Variants in TTLL5 observed in about 807,000 individuals in gnomAD.
The protein encoded by TTLL5 is tubulin tyrosine ligase like 5.
Under a neutral mutation model 168.4 loss-of-function variants are expected in TTLL5, and 132 were observed. The observed-to-expected ratio is 0.78, with a 90% CI of 0.68 to 0.91. The LOEUF (loss-of-function observed/expected upper bound fraction) is 0.91, where lower values mean the gene tolerates loss of function less well. TTLL5 is among the 40% of genes least tolerant of loss of function. The pLI is 0.00. For synonymous variants in TTLL5, 546 were observed against 558.6 expected, an observed-to-expected ratio of 0.98 and a Z score of 0.32; for missense variants, 1,545 against 1,581.5, an observed-to-expected ratio of 0.98 and a Z score of 0.39.
At chr14:75,813,904 A>C (rs1894222371) in intron 27 of TTLL5, among the ~76,000 whole-genome samples, 1 of 152,046 alleles carries the variant, frequency 6.6e-6, no homozygotes, top group Non-Finnish European at 1.5e-5. Flanking sequence ...CAATAACATG[A>C]ATTCGTAGGT....
At chr14:75,834,795 G>A (rs1259653367) in intron 28 of TTLL5, among the ~76,000 whole-genome samples, 3 of 152,200 alleles carry the variant, frequency 2.0e-5, no homozygotes, top group Admixed American at 6.5e-5. Flanking sequence ...GCTGGGCACA[G>A]TGGCTCACAC....
chr14:75,810,555 A>C (rs188904088), intron 27 of TTLL5, among the ~76,000 whole-genome samples: 1 of 152,070 alleles, frequency 6.6e-6, no homozygotes, highest in Non-Finnish European at 1.5e-5. Flanking sequence ...TTTTGTAGAG[A>C]TGGGGTCTCT....
chr14:75,690,296 T>C lies in TTLL5; in HGVS notation c.476T>C (p.Leu159Pro). 6.2e-7 allele frequency: 1 copy of C among 1,609,250 alleles called. No individual in the cohort carries two copies. Among genetic ancestry groups the C allele is most frequent in the South Asian group, 1.1e-5 (1 of 89,978 alleles). The change falls in exon 6 of 32, where the codon CTG becomes CCG. Residue 159 changes from leucine (L) to proline (P), a missense_variant. Coordinates refer to ENST00000298832, the MANE Select transcript of TTLL5 (RefSeq NM_015072.5). Reference sequence around the variant, plus strand: ...CACATCCTCCCCCAGACCTTCCTCCTGCCAGCTGAGTACGCGGAATTTTGT... The same window carrying C: ...CACATCCTCCCCCAGACCTTCCTCCCGCCAGCTGAGTACGCGGAATTTTGT... ...AFHILPQTFL[L>P]PAEYAEFCNS...
chr14:75,916,139 AGAGAGGGATGAGGGGAG>A (rs1217289090), intron 31 of TTLL5, among the ~76,000 whole-genome samples: 3 of 139,956 alleles, frequency 2.1e-5, no homozygotes. Context: ...ACAGAGAGAT[AGAGAGGGATGAGGGGAG>A]GAGAGGGAGG....
intron 12 of TTLL5, among the ~76,000 whole-genome samples, chr14:75,724,949 G>T (rs1460945758): frequency 2.0e-5 from 3 of 152,212 alleles, no homozygotes; most frequent in Non-Finnish European, 4.4e-5. Context: ...GCTCTTTAAA[G>T]ATGTTGCTGC....
At chr14:75,729,310 T>C (rs1442428585) in intron 12 of TTLL5, among the ~76,000 whole-genome samples, 1 of 152,186 alleles carries the variant, frequency 6.6e-6, no homozygotes, top group African/African-American at 2.4e-5. Context: ...TCATTGTGGA[T>C]ACTGAGTTTT....
At chr14:75,764,078 A>G (rs1236391820) in intron 18 of TTLL5, among the ~76,000 whole-genome samples, 16 of 152,104 alleles carry the variant, frequency 1.1e-4, no homozygotes, top group Admixed American at 7.9e-4. Context: ...AGACACTTCT[A>G]TGCGTCTCAG....
Position 75,954,571 on chromosome 14 carries a change from C to A in TTLL5, c.*125C>A. 1.9e-6 allele frequency: 2 copies of A among 1,069,470 alleles called. No homozygotes were observed. Among genetic ancestry groups the A allele is most frequent in the Non-Finnish European group, 2.8e-6 (2 of 715,772 alleles). 66.2% of individuals were successfully genotyped at this position (1,069,470 alleles called of 1,614,324 possible). A position where few individuals can be genotyped will look rare whatever the true frequency, so the allele number is the denominator to read the frequency against. On this transcript the variant is annotated 3_prime_UTR_variant, in exon 32 of 32. Transcript: ENST00000298832. ...TTTTGCTGCCTCAAAGTCCCCAAAG[C>A]CTTCGAGCAGAAGTGGCAGTAGATG...
chr14:75,671,082 G>A (rs747721991), intron 3 of TTLL5, among the ~76,000 whole-genome samples: 1 of 152,128 alleles, frequency 6.6e-6, no homozygotes, highest in African/African-American at 2.4e-5. Flanking sequence ...AATTTTTCAT[G>A]TAGGGTTATG....
At chr14:75,896,979 A>T (rs2032693539) in intron 30 of TTLL5, among the ~76,000 whole-genome samples, 1 of 152,182 alleles carries the variant, frequency 6.6e-6, no homozygotes, top group African/African-American at 2.4e-5. Flanking sequence ...ATATTCCTTA[A>T]ATAGAGACTT....
At chr14:75,806,030 CTT>C (rs200829500) in intron 27 of TTLL5, among the ~76,000 whole-genome samples, 39 of 137,772 alleles carry the variant, frequency 2.8e-4, no homozygotes, top group Admixed American at 3.7e-4. Flanking sequence ...CTGAAAGATT[CTT>C]TTTTTTTTTT....
chr14:75,678,345 A>G (rs766268912), intron 3 of TTLL5, among the ~76,000 whole-genome samples: 1 of 152,166 alleles, frequency 6.6e-6, no homozygotes, highest in African/African-American at 2.4e-5. Flanking sequence ...GCCCTAATAC[A>G]TTATTCAGCT....
intron 6 of TTLL5, among the ~76,000 whole-genome samples, chr14:75,694,797 A>G (rs945764969): frequency 6.6e-6 from 1 of 152,196 alleles, no homozygotes; most frequent in Admixed American, 6.5e-5. Context: ...ATAAATTGTG[A>G]AGATTTTATG....
chr14:75,954,052 T>C (rs1231445538), intron 31 of TTLL5, among the ~76,000 whole-genome samples: 1 of 151,810 alleles, frequency 6.6e-6, no homozygotes. Context: ...ATGGAGACCA[T>C]CCTGGCTAAC....
Position 75,766,273 on chromosome 14 carries a change from G to A in TTLL5, c.1920G>A (p.Trp640Ter), listed in dbSNP as rs367693933. Reference protein sequence around the residue: ...PKENSMKVREWNNKGGHCCKL... With the variant: ...PKENSMKVRE ...AAAATTCCATGAAAGTTCGTGAATG[G>A]AATAATAAAGGTGGACACTGCTGCA... Residue 640 changes from tryptophan (W) to a stop codon, truncating the protein, a stop_gained, in exon 20 of 32, where the codon TGG becomes TGA. Transcript: ENST00000298832. LOFTEE classifies it high-confidence loss of function. 33 of 1,614,052 alleles carry A rather than the reference G, an allele frequency of 2.0e-5. No individual in the cohort carries two copies. The African/African-American group carries it at 3.6e-4, about 18-fold the overall frequency.
In TTLL5 at chr14:75,934,015, G is replaced by T. The variant is rs539753249; in HGVS notation, c.3824-20409G>T. On this transcript the variant is annotated intron_variant, in intron 31 of 31. Transcript: ENST00000298832. ...GAGAAAATGAGTTCCTGTTATTTCAGCCACTTAGTATGTGACATTTTGTTA... is the reference window on the plus strand; with the variant it reads ...GAGAAAATGAGTTCCTGTTATTTCATCCACTTAGTATGTGACATTTTGTTA... 3.8e-4 allele frequency among the ~76,000 whole-genome samples: 58 copies of T among 152,306 alleles called. 1 individual carries two copies. Among genetic ancestry groups the T allele is most frequent in the Admixed American group, 1.3e-3 (20 of 15,300 alleles).
intron 18 of TTLL5, among the ~76,000 whole-genome samples, chr14:75,759,459 G>T (rs917441111): frequency 6.6e-6 from 1 of 152,072 alleles, no homozygotes; most frequent in Non-Finnish European, 1.5e-5. Flanking sequence ...AGCATTTGAG[G>T]AATAATAACA....
At chr14:75,670,539 A>G (rs1490177010) in intron 3 of TTLL5, among the ~76,000 whole-genome samples, 6 of 152,230 alleles carry the variant, frequency 3.9e-5, no homozygotes, top group African/African-American at 1.2e-4. Context: ...CCCGTCAACA[A>G]CGTATAGGGG....
At chr14:75,756,045 A>T (rs1009052434) in intron 18 of TTLL5, among the ~76,000 whole-genome samples, 1 of 141,048 alleles carries the variant, frequency 7.1e-6, no homozygotes, top group South Asian at 2.2e-4. Context: ...CCAGGTAATT[A>T]TAATGTAAAG....
Sources: gnomAD v4.1 joint callset for allele counts (sites outside exome capture counted in the v4.1 genomes callset) on GRCh38, gnomAD v4.1.1 for gene constraint, MANE v1.5 for transcripts, NCBI Gene and HGNC (gene_info 2026-07-23, HGNC 2026-07-21) for gene names.